DOCK2: variants seen among roughly 807,000 people sequenced by gnomAD.
DOCK2 encodes dedicator of cytokinesis protein 2.
DOCK2 carries 87 observed loss-of-function variants against 248.9 expected under a neutral mutation model. That is an observed-to-expected ratio of 0.35 (90% CI 0.29 to 0.42). The LOEUF (loss-of-function observed/expected upper bound fraction) is 0.42, where lower values mean the gene tolerates loss of function less well. Among genes scored for constraint, DOCK2 ranks in the 10% least tolerant of loss-of-function variants. The probability of loss-of-function intolerance (pLI) is 1.00; values close to 1 mark genes in which losing one functional copy is unlikely to be tolerated. For synonymous variants in DOCK2, 805 were observed against 821.6 expected (o/e 0.98, Z 0.35); for missense variants, 1,747 against 2,300.2 (o/e 0.76, Z 4.92).
At chr5:169,936,665 T>A (rs1322431490) in intron 27 of DOCK2, among the ~76,000 whole-genome samples, 1 of 148,832 alleles carries the variant, frequency 6.7e-6, no homozygotes, top group African/African-American at 2.5e-5. Context: ...TTACAGAATC[T>A]AGCATTCCCC....
In DOCK2 at chr5:169,708,249, C is replaced by G; in HGVS notation, c.1464C>G (p.Arg488=). 1 of 1,613,790 alleles carries G rather than the reference C, an allele frequency of 6.2e-7. No homozygotes were observed. The highest frequency in any genetic ancestry group is 8.5e-7 in the Non-Finnish European group (1 of 1,179,898). The change falls in exon 15 of 52, where the codon CGC becomes CGG. Residue 488 remains arginine (R), a synonymous_variant. Transcript: ENST00000520908. ...TGTACTATCAAGTCAAACAGCCACG[C>G]TGGATGGAAACAGTCAAGGTAATAA... ...SVVYYQVKQP[R]WMETVKVAVP...
chr5:169,806,550 T>TTC lies in DOCK2; in HGVS notation c.2703+3344_2703+3345insTC, dbSNP rs1767374382. On this transcript the variant is annotated intron_variant, in intron 26 of 51. Transcript: ENST00000520908. Reference sequence around the variant, plus strand: ...AGAGTTTAAAACCTGAAAGTCAAGCTGTATGTTAAATCCTCAGACTGGATT... The same window carrying TTC: ...AGAGTTTAAAACCTGAAAGTCAAGCTTCGTATGTTAAATCCTCAGACTGGATT... 2.6e-5 allele frequency among the ~76,000 whole-genome samples: 4 copies of TTC among 152,136 alleles called. No homozygotes were observed. The South Asian group carries it at 8.3e-4, about 31-fold the overall frequency.
At chr5:170,077,635 GGAA>G in intron 47 of DOCK2, 72 bp from the exon 48 acceptor site, 2 of 1,587,684 alleles carry the variant, frequency 1.3e-6, no homozygotes, top group Non-Finnish European at 1.7e-6. Flanking sequence ...CCTAGGTGGA[GGAA>G]GAAGGTGACA....
At chr5:170,031,179 G>A (rs1353001841) in intron 34 of DOCK2, among the ~76,000 whole-genome samples, 1 of 152,230 alleles carries the variant, frequency 6.6e-6, no homozygotes, top group Non-Finnish European at 1.5e-5. Context: ...TCTAGAAGTG[G>A]TGAGGGAATC....
At chr5:169,879,127 C>G (rs1041823205) in intron 27 of DOCK2, among the ~76,000 whole-genome samples, 2 of 152,140 alleles carry the variant, frequency 1.3e-5, no homozygotes, top group Admixed American at 6.6e-5. Context: ...CTTAGGAAAC[C>G]GTATGCATGG....
chr5:169,844,403 G>C (rs2113348037), intron 27 of DOCK2, among the ~76,000 whole-genome samples: 1 of 152,298 alleles, frequency 6.6e-6, no homozygotes, highest in South Asian at 2.1e-4. Flanking sequence ...GTTTTCCTTG[G>C]TAGATTCTCA....
At chr5:170,044,276 G>A (rs1411516777) in intron 38 of DOCK2, among the ~76,000 whole-genome samples, 1 of 152,216 alleles carries the variant, frequency 6.6e-6, no homozygotes, top group Non-Finnish European at 1.5e-5. Flanking sequence ...TGAGAGTAGA[G>A]TCTGTGTCTC....
At chr5:169,823,387 C>T (rs1000000794) in intron 26 of DOCK2, among the ~76,000 whole-genome samples, 2 of 151,680 alleles carry the variant, frequency 1.3e-5, no homozygotes, top group African/African-American at 4.8e-5. Context: ...TACTGGCAAA[C>T]TGAATCCAGC....
At chr5:170,077,968 C>T in intron 48 of DOCK2, 131 bp downstream of exon 48, 1 of 766,170 alleles carries the variant, frequency 1.3e-6, no homozygotes, top group Non-Finnish European at 2.1e-6. Flanking sequence ...AGCCTTTTCC[C>T]ATCTGCAGTC....
intron 15 of DOCK2, among the ~76,000 whole-genome samples, chr5:169,709,598 A>G (rs1031067288): frequency 6.6e-6 from 1 of 152,106 alleles, no homozygotes; most frequent in Non-Finnish European, 1.5e-5. Flanking sequence ...TCATGTGCCT[A>G]TAGTTCCAGC....
At chr5:169,905,258 G>A (rs545784251) in intron 27 of DOCK2, among the ~76,000 whole-genome samples, 10 of 150,740 alleles carry the variant, frequency 6.6e-5, no homozygotes, top group Non-Finnish European at 4.4e-5. Context: ...CCCAGTTGGT[G>A]AATGAAACCC....
chr5:170,072,675 C>T (rs1241934477), intron 46 of DOCK2, among the ~76,000 whole-genome samples: 1 of 152,238 alleles, frequency 6.6e-6, no homozygotes. Context: ...TTCTCCCTGA[C>T]ACTTGATACT....
In DOCK2 at chr5:169,637,330, G is replaced by GC; in HGVS notation, c.9dup (p.Trp4LeufsTer5). ...GACGCGAGGCCCCGGCCCAGCCATGGCCCCCTGGCGCAAAGCTGACAAGGA... is the reference window on the plus strand; with the variant it reads ...GACGCGAGGCCCCGGCCCAGCCATGGCCCCCCTGGCGCAAAGCTGACAAGGA... On this transcript the variant is annotated frameshift_variant, in exon 1 of 52. Transcript: ENST00000520908. LOFTEE classifies it high-confidence loss of function. The GC allele has an allele frequency of 7.0e-7, 1 of 1,423,822 alleles. No individual in the cohort carries two copies. 88.2% of individuals were successfully genotyped at this position (1,423,822 alleles called of 1,614,324 possible). A position where few individuals can be genotyped will look rare whatever the true frequency, so the allele number is the denominator to read the frequency against.
chr5:169,871,133 A>G (rs1771941193), intron 27 of DOCK2, among the ~76,000 whole-genome samples: 1 of 152,172 alleles, frequency 6.6e-6, no homozygotes, highest in African/African-American at 2.4e-5. Context: ...ATCACCTTCC[A>G]AAGTTTCTAC....
chr5:170,034,339 G>A (rs1161078682), intron 34 of DOCK2, 60 bp from the exon 35 acceptor site: 2 of 1,593,484 alleles, frequency 1.3e-6, no homozygotes, highest in Non-Finnish European at 1.7e-6. Context: ...ACCGCCCACT[G>A]GCCCCAGCAC....
At chr5:169,952,234 G>C (rs1280370126) in intron 27 of DOCK2, among the ~76,000 whole-genome samples, 1 of 152,116 alleles carries the variant, frequency 6.6e-6, no homozygotes, top group African/African-American at 2.4e-5. Context: ...ATGCAGCACT[G>C]GGAAGAGACC....
chr5:169,681,658 C>A, intron 6 of DOCK2, 86 bp from the exon 7 acceptor site: 1 of 1,533,558 alleles, frequency 6.5e-7, no homozygotes, highest in Non-Finnish European at 8.8e-7. Context: ...CCCCAGAAAT[C>A]AGCTGAACTT....
Position 169,824,837 on chromosome 5 carries a change from A to G in DOCK2, c.2704-15920A>G, listed in dbSNP as rs564707854. ...AAACTACCATCAGAATGAACAGGCA[A>G]CCTACAGAATGGGAGAAAATTTTTG... On this transcript the variant is annotated intron_variant, in intron 26 of 51. Transcript: ENST00000520908. Among the ~76,000 whole-genome samples the G allele has an allele frequency of 2.6e-4, 40 of 152,358 alleles. 1 individual carries two copies. In the East Asian group the frequency reaches 6.9e-3, roughly 26 times the overall value.
intron 25 of DOCK2, among the ~76,000 whole-genome samples, chr5:169,799,237 C>T (rs1026177057): frequency 3.9e-5 from 6 of 152,144 alleles, no homozygotes; most frequent in Non-Finnish European, 8.8e-5. Context: ...TTTAAATCTC[C>T]TTTTTTAGAA....
Sources: gnomAD v4.1 joint callset for allele counts (sites outside exome capture counted in the v4.1 genomes callset) on GRCh38, gnomAD v4.1.1 for gene constraint, MANE v1.5 for transcripts, NCBI Gene and HGNC (gene_info 2026-07-23, HGNC 2026-07-21) for gene names.